Variants in PCDH11X observed in about 807,000 individuals in gnomAD.
PCDH11X encodes the protein protocadherin-11 X-linked.
PCDH11X carries 18 observed loss-of-function variants against 53.3 expected under a neutral mutation model. That is an observed-to-expected ratio of 0.34 (90% CI 0.23 to 0.50). PCDH11X has a LOEUF of 0.50. Among genes scored for constraint, PCDH11X ranks in the 20% least tolerant of loss-of-function variants. The pLI, the probability that PCDH11X is intolerant of heterozygous loss-of-function variation, is 0.98. For synonymous variants in PCDH11X, 279 were observed against 393.3 expected (o/e 0.71, Z 3.44); for missense variants, 570 against 1,032.4 (o/e 0.55, Z 6.14).
intron 6 of PCDH11X, among the ~76,000 whole-genome samples, chrX:92,013,291 A>G (rs1267952846): frequency 8.9e-6 from 1 of 111,879 alleles, no homozygotes; most frequent in Non-Finnish European, 1.9e-5. Flanking sequence ...AATTGCTTCA[A>G]AGAGAATAAA....
At chrX:92,076,619 T>C (rs768374613) in intron 6 of PCDH11X, among the ~76,000 whole-genome samples, 4 of 111,763 alleles carry the variant, frequency 3.6e-5, no homozygotes, top group African/African-American at 1.3e-4. Context: ...TTTGTGGGAC[T>C]GAGGGTACCC....
intron 1 of PCDH11X, among the ~76,000 whole-genome samples, chrX:91,802,509 C>T (rs954550617): frequency 9.9e-5 from 11 of 111,406 alleles, no homozygotes; most frequent in African/African-American, 3.6e-4. Flanking sequence ...AAGGCCCACA[C>T]ATTCTGATAA....
rs765496072 is a variant in PCDH11X at position 92,259,256 on chromosome X, C to T, written c.3115-3858C>T. On this transcript the variant is annotated intron_variant, in intron 7 of 10. Coordinates refer to ENST00000682573, the MANE Select transcript of PCDH11X (RefSeq NM_032968.5). Reference sequence around the variant, plus strand: ...TCCCACTCCTTGTACCAATTTTCTGCGTGAGTCCATTCTTGCATTGCTATA... The same window carrying T: ...TCCCACTCCTTGTACCAATTTTCTGTGTGAGTCCATTCTTGCATTGCTATA... 3.6e-5 allele frequency among the ~76,000 whole-genome samples: 4 copies of T among 111,043 alleles called. No homozygotes were observed. The South Asian group carries it at 1.1e-3, about 32-fold the overall frequency.
At chrX:92,075,878 G>A (rs947362224) in intron 6 of PCDH11X, among the ~76,000 whole-genome samples, 1 of 110,597 alleles carries the variant, frequency 9.0e-6, no homozygotes, top group African/African-American at 3.3e-5. Context: ...CATTTAGTAA[G>A]CACAAATCCT....
intron 10 of PCDH11X, among the ~76,000 whole-genome samples, chrX:92,511,352 T>C (rs1174337126): frequency 1.8e-5 from 2 of 111,498 alleles, no homozygotes; most frequent in Non-Finnish European, 3.8e-5. Flanking sequence ...ACCCTCACAA[T>C]TGCATTCTTA....
chrX:91,820,082 T>G (rs1388621661), intron 4 of PCDH11X, among the ~76,000 whole-genome samples: 45 of 93,226 alleles, frequency 4.8e-4, no homozygotes, highest in Non-Finnish European at 8.0e-4. Flanking sequence ...TGTTGGACAT[T>G]TGGGTTGGTT....
chrX:92,192,761 G>A (rs1229528107), intron 6 of PCDH11X, among the ~76,000 whole-genome samples: 4 of 109,047 alleles, frequency 3.7e-5, no homozygotes, highest in African/African-American at 1.3e-4. Flanking sequence ...TGTTTTGAGA[G>A]GGAGTTTCTC....
At chrX:91,830,423 A>T (rs1240510087) in intron 4 of PCDH11X, among the ~76,000 whole-genome samples, 1 of 111,532 alleles carries the variant, frequency 9.0e-6, no homozygotes, top group Admixed American at 9.6e-5. Flanking sequence ...TTTTATTTTG[A>T]CATCTCAAGT....
chrX:92,442,550 G>T (rs2072538537), intron 9 of PCDH11X, among the ~76,000 whole-genome samples: 1 of 111,420 alleles, frequency 9.0e-6, no homozygotes, highest in Non-Finnish European at 1.9e-5. Flanking sequence ...CACCATGATT[G>T]TGAGGCTTCC....
At chrX:92,386,681 C>T (rs1030010598) in intron 8 of PCDH11X, among the ~76,000 whole-genome samples, 5 of 107,714 alleles carry the variant, frequency 4.6e-5, no homozygotes, top group African/African-American at 1.7e-4. Flanking sequence ...GGCACCTGAA[C>T]TTGAGTGGCT....
chrX:92,105,293 C>T (rs774065476), intron 6 of PCDH11X, among the ~76,000 whole-genome samples: 1 of 111,012 alleles, frequency 9.0e-6, no homozygotes, highest in Admixed American at 9.6e-5. Context: ...GGCCTCTTAC[C>T]GGATTTGAAA....
chrX:92,386,499 T>C (rs2071014373), intron 8 of PCDH11X, among the ~76,000 whole-genome samples: 1 of 109,626 alleles, frequency 9.1e-6, no homozygotes, highest in African/African-American at 3.3e-5. Context: ...TCAATAGTCC[T>C]TCTTAATTTT....
intron 6 of PCDH11X, among the ~76,000 whole-genome samples, chrX:92,070,933 G>A (rs1368801778): frequency 9.2e-6 from 1 of 108,573 alleles, no homozygotes; most frequent in Non-Finnish European, 1.9e-5. Flanking sequence ...CTGAGTAGCT[G>A]GGACTAGAGG....
intron 10 of PCDH11X, among the ~76,000 whole-genome samples, chrX:92,471,331 A>C (rs2073258686): frequency 9.3e-6 from 1 of 107,226 alleles, no homozygotes; most frequent in Non-Finnish European, 1.9e-5. Flanking sequence ...CTCATAATTT[A>C]TCTCTCATTA....
At chrX:92,290,118 T>G in intron 8 of PCDH11X, among the ~76,000 whole-genome samples, 1 of 111,936 alleles carries the variant, frequency 8.9e-6, no homozygotes, top group Non-Finnish European at 1.9e-5. Context: ...TCTTATTTAT[T>G]TGACATCTAA....
At chrX:91,823,354 G>A (rs1163096700) in intron 4 of PCDH11X, among the ~76,000 whole-genome samples, 2 of 110,617 alleles carry the variant, frequency 1.8e-5, no homozygotes, top group Non-Finnish European at 3.8e-5. Flanking sequence ...GAATCTGGGT[G>A]CTCCTGTATT....
At chrX:92,500,213 C>T (rs1362433026) in intron 10 of PCDH11X, among the ~76,000 whole-genome samples, 1 of 111,360 alleles carries the variant, frequency 9.0e-6, no homozygotes. Context: ...AACAATTTAT[C>T]TTTTAAAAGA....
chrX:92,285,576 G>A (rs1249883594), intron 8 of PCDH11X, among the ~76,000 whole-genome samples: 1 of 111,382 alleles, frequency 9.0e-6, no homozygotes, highest in Middle Eastern at 4.2e-3. Context: ...TATAAAAGTA[G>A]TAAGTCAATC....
At chrX:92,266,706 C>T (rs78270706) in intron 8 of PCDH11X, among the ~76,000 whole-genome samples, 11,532 of 109,952 alleles carry the variant, frequency 0.1, 952 homozygotes, top group African/African-American at 0.25. Context: ...CAACACATGG[C>T]CACTTGTAAT....
Sources: allele counts gnomAD v4.1 joint callset (sites outside exome capture counted in the v4.1 genomes callset), GRCh38; gene constraint gnomAD v4.1.1; transcripts MANE v1.5; gene names NCBI Gene and HGNC (gene_info 2026-07-23, HGNC 2026-07-21).